DACH1: variants seen among roughly 807,000 people sequenced by gnomAD.
DACH1 encodes the protein dachshund homolog 1.
Under a neutral mutation model 54.2 loss-of-function variants are expected in DACH1, and 12 were observed. That is an observed-to-expected ratio of 0.22 (90% CI 0.14 to 0.36). The LOEUF is 0.36. Among genes scored for constraint, DACH1 ranks in the 10% least tolerant of loss-of-function variants. DACH1 has a pLI of 1.00. For missense variants in DACH1, 805 were observed against 929.8 expected (o/e 0.87, Z 1.75); for synonymous variants, 386 against 366.2 (o/e 1.05, Z -0.62).
Position 71,866,277 on chromosome 13 carries a change from C to A in DACH1, c.493G>T (p.Gly165Cys), listed in dbSNP as rs772936864. Residue 165 changes from glycine (G) to cysteine (C), a missense_variant, in exon 1 of 11, where the codon GGC becomes TGC. Physicochemically the swap from Gly to Cys is radical, Grantham distance 159. Transcript: ENST00000613252. ...TACACGGGTTTCCCGGGGAGGGGGCCGCAGCTGCTGCTGCTACTGCTGCTG... is the reference window on the plus strand; with the variant it reads ...TACACGGGTTTCCCGGGGAGGGGGCAGCAGCTGCTGCTGCTACTGCTGCTG... Reference protein sequence around the residue: ...SSSSSSSSSCGPLPGKPVYST... With the variant: ...SSSSSSSSSCCPLPGKPVYST... The A allele has an allele frequency of 3.2e-6, 5 of 1,586,738 alleles. No homozygotes were observed. The highest frequency in any genetic ancestry group is 4.3e-6 in the Non-Finnish European group (5 of 1,166,094).
intron 1 of DACH1, among the ~76,000 whole-genome samples, chr13:71,747,753 T>C (rs1056366644): frequency 6.6e-6 from 1 of 152,166 alleles, no homozygotes; most frequent in Non-Finnish European, 1.5e-5. Context: ...ACTGGGTCCA[T>C]GGGAGGAAGC....
At chr13:71,655,208 C>G (rs562565156) in intron 2 of DACH1, among the ~76,000 whole-genome samples, 45 of 152,224 alleles carry the variant, frequency 3.0e-4, no homozygotes, top group Non-Finnish European at 5.0e-4. Context: ...ATTTGATACA[C>G]ATATCATAAT....
chr13:71,866,387 A>ACGC lies in DACH1; in HGVS notation c.380_382dup (p.Gly127dup), dbSNP rs1461323603. ...GGCGTTGATGGGGGTGCTGGAAGCG[A>ACGC]CGCCGCCGCCAGCGCTGATGCCGCC... On this transcript the variant is annotated inframe_insertion, in exon 1 of 11. Coordinates refer to ENST00000613252, the MANE Select transcript of DACH1 (RefSeq NM_080759.6). 1 of 1,490,288 alleles carries ACGC rather than the reference A, an allele frequency of 6.7e-7. No homozygotes were observed. The highest frequency in any genetic ancestry group is 2.1e-5 in the Admixed American group (1 of 48,530). 92.3% of individuals were successfully genotyped at this position (1,490,288 alleles called of 1,614,324 possible).
rs1490873904 is a variant in DACH1 at position 71,652,910 on chromosome 13, C to G, written c.965-22193G>C. Reference sequence around the variant, plus strand: ...AATCTAGAAAATGTAGAAAAGTGGACCGCGATGACCAGTACAGAACATAAT... The same window carrying G: ...AATCTAGAAAATGTAGAAAAGTGGAGCGCGATGACCAGTACAGAACATAAT... On this transcript the variant is annotated intron_variant, in intron 2 of 10. Coordinates refer to ENST00000613252, the MANE Select transcript of DACH1 (RefSeq NM_080759.6). Among the ~76,000 whole-genome samples the G allele has an allele frequency of 2.0e-5, 3 of 152,034 alleles. 1 individual carries two copies. Among genetic ancestry groups the G allele is most frequent in the Non-Finnish European group, 4.4e-5 (3 of 67,998 alleles).
At chr13:71,796,879 C>G (rs565947119) in intron 1 of DACH1, among the ~76,000 whole-genome samples, 1 of 152,030 alleles carries the variant, frequency 6.6e-6, no homozygotes, top group East Asian at 1.9e-4. Flanking sequence ...ACTGGTTTCT[C>G]TTATTGATCC....
At chr13:71,833,824 T>TCC (rs1235214092) in intron 1 of DACH1, among the ~76,000 whole-genome samples, 1 of 152,032 alleles carries the variant, frequency 6.6e-6, no homozygotes, top group African/African-American at 2.4e-5. Context: ...TAAATTGTAA[T>TCC]CCCTAGTTTT....
At chr13:71,621,064 T>A (rs1006766363) in intron 3 of DACH1, among the ~76,000 whole-genome samples, 1 of 152,004 alleles carries the variant, frequency 6.6e-6, no homozygotes, top group African/African-American at 2.4e-5. Context: ...ACATATGTTA[T>A]CTATGTGCAT....
At chr13:71,586,689 T>C (rs1258510844) in intron 3 of DACH1, among the ~76,000 whole-genome samples, 4 of 152,022 alleles carry the variant, frequency 2.6e-5, no homozygotes, top group Non-Finnish European at 4.4e-5. Flanking sequence ...TATAGGGAAT[T>C]GCATACCTAA....
chr13:71,687,663 C>G (rs573331240), intron 1 of DACH1, among the ~76,000 whole-genome samples: 1 of 152,022 alleles, frequency 6.6e-6, no homozygotes, highest in Admixed American at 6.6e-5. Context: ...GTTGGAGTGC[C>G]GTGATGTGAT....
intron 1 of DACH1, among the ~76,000 whole-genome samples, chr13:71,717,126 T>G (rs1441223165): frequency 1.3e-5 from 2 of 152,122 alleles, no homozygotes; most frequent in Non-Finnish European, 2.9e-5. Flanking sequence ...TAATCAATTA[T>G]ATTATGTACA....
At chr13:71,602,428 T>G (rs1302353191) in intron 3 of DACH1, among the ~76,000 whole-genome samples, 1 of 151,860 alleles carries the variant, frequency 6.6e-6, no homozygotes, top group Non-Finnish European at 1.5e-5. Flanking sequence ...TCTATTCTCC[T>G]TAACCCTTTT....
intron 1 of DACH1, among the ~76,000 whole-genome samples, chr13:71,758,489 A>G (rs1031570592): frequency 3.3e-5 from 5 of 152,210 alleles, no homozygotes; most frequent in Non-Finnish European, 7.3e-5. Flanking sequence ...AGTTCAAGTG[A>G]TGACAGATTG....
chr13:71,864,419 C>G (rs1315415391), intron 1 of DACH1, among the ~76,000 whole-genome samples: 2 of 152,122 alleles, frequency 1.3e-5, no homozygotes, highest in East Asian at 1.9e-4. Context: ...AGAGCTAGCG[C>G]TTTTTCAACC....
chr13:71,475,698 C>T lies in DACH1; in HGVS notation c.2014+8G>A, dbSNP rs1275451308. 1.9e-6 allele frequency: 3 copies of T among 1,606,506 alleles called. No homozygotes were observed. The highest frequency in any genetic ancestry group is 2.7e-5 in the African/African-American group (2 of 74,552). On this transcript the variant is annotated splice_region_variant and intron_variant, in intron 9 of 10. Transcript: ENST00000613252. Reference sequence around the variant, plus strand: ...CAGTTATTCATGCAATAATATACACCCTCTTACCATTTAAGACCCTGAGAC... The same window carrying T: ...CAGTTATTCATGCAATAATATACACTCTCTTACCATTTAAGACCCTGAGAC...
At chr13:71,508,240 A>T (rs528906966) in intron 6 of DACH1, among the ~76,000 whole-genome samples, 9 of 152,248 alleles carry the variant, frequency 5.9e-5, no homozygotes, top group Admixed American at 1.3e-4. Flanking sequence ...ATTTAGTCTA[A>T]ATATCTTGTG....
At chr13:71,553,831 T>C (rs1449640735) in intron 6 of DACH1, among the ~76,000 whole-genome samples, 1 of 151,612 alleles carries the variant, frequency 6.6e-6, no homozygotes, top group African/African-American at 2.4e-5. Flanking sequence ...CCCATAGCTA[T>C]TTAATATTAA....
intron 6 of DACH1, among the ~76,000 whole-genome samples, chr13:71,535,594 T>A (rs772150852): frequency 6.6e-6 from 1 of 151,478 alleles, no homozygotes; most frequent in Non-Finnish European, 1.5e-5. Flanking sequence ...TCAGGCGCAT[T>A]TTTTTCCCCC....
At chr13:71,574,510 A>G (rs748388878) in intron 3 of DACH1, among the ~76,000 whole-genome samples, 2 of 152,140 alleles carry the variant, frequency 1.3e-5, no homozygotes, top group Non-Finnish European at 2.9e-5. Context: ...GCCTCATTGT[A>G]AAATCTCTAC....
At chr13:71,700,585 AGAGAGAGAG>A (rs1460418578) in intron 1 of DACH1, among the ~76,000 whole-genome samples, 4 of 35,704 alleles carry the variant, frequency 1.1e-4, no homozygotes, top group East Asian at 4.0e-4. Context: ...AAAAAAAAAA[AGAGAGAGAG>A]AGAGAGAGAG....
Sources: allele counts gnomAD v4.1 joint callset (sites outside exome capture counted in the v4.1 genomes callset), GRCh38; gene constraint gnomAD v4.1.1; transcripts MANE v1.5; gene names NCBI Gene and HGNC (gene_info 2026-07-23, HGNC 2026-07-21).